The following GRM8 variants were observed in gnomAD, a reference collection of about 807,000 sequenced individuals.
The protein encoded by GRM8 is metabotropic glutamate receptor 8.
In GRM8, 47 loss-of-function variants were observed where a neutral mutation model predicts 87.2. The observed-to-expected ratio is 0.54, with a 90% CI of 0.43 to 0.69. The LOEUF is 0.69. Among genes scored for constraint, GRM8 ranks in the 30% least tolerant of loss-of-function variants. GRM8 has a pLI of 0.00. For missense variants in GRM8, 1,019 were observed against 1,139.2 expected, an observed-to-expected ratio of 0.89 and a Z score of 1.52; for synonymous variants, 396 against 404.5, an observed-to-expected ratio of 0.98 and a Z score of 0.25.
chr7:126,856,826 T>TG, intron 6 of GRM8, among the ~76,000 whole-genome samples: 1 of 152,226 alleles, frequency 6.6e-6, no homozygotes, highest in Non-Finnish European at 1.5e-5. Flanking sequence ...AAGTGACATA[T>TG]TATCCACTGG....
chr7:127,149,628 A>G (rs1828739605), intron 2 of GRM8, among the ~76,000 whole-genome samples: 1 of 152,140 alleles, frequency 6.6e-6, no homozygotes, highest in Non-Finnish European at 1.5e-5. Context: ...TCATTGCAGC[A>G]TTATTCCCAA....
intron 7 of GRM8, among the ~76,000 whole-genome samples, chr7:126,714,082 G>GCCAA (rs1490619829): frequency 1.3e-5 from 2 of 150,658 alleles, no homozygotes; most frequent in Non-Finnish European, 3.0e-5. Context: ...GTACAGCCTG[G>GCCAA]CCAACATTGT....
At chr7:126,480,203 G>A (rs1003960007) in intron 9 of GRM8, among the ~76,000 whole-genome samples, 1 of 151,976 alleles carries the variant, frequency 6.6e-6, no homozygotes, top group African/African-American at 2.4e-5. Flanking sequence ...TGGCCAACAT[G>A]GTGAAACTCT....
chr7:127,010,803 C>T (rs1194272437), intron 3 of GRM8, among the ~76,000 whole-genome samples: 2 of 152,044 alleles, frequency 1.3e-5, no homozygotes, highest in Non-Finnish European at 2.9e-5. Context: ...GGGACAAAAA[C>T]ATTTAGGTAT....
intron 6 of GRM8, among the ~76,000 whole-genome samples, chr7:126,888,434 C>T (rs942310041): frequency 6.6e-6 from 1 of 152,160 alleles, no homozygotes; most frequent in African/African-American, 2.4e-5. Flanking sequence ...TCCCTGTCCT[C>T]ATTTTACATC....
intron 8 of GRM8, among the ~76,000 whole-genome samples, chr7:126,574,555 A>G (rs1039539196): frequency 1.3e-5 from 2 of 152,184 alleles, no homozygotes; most frequent in African/African-American, 2.4e-5. Flanking sequence ...TCAGTGATGA[A>G]GCTACATCTT....
chr7:127,050,020 G>A (rs1474583045), intron 3 of GRM8, among the ~76,000 whole-genome samples: 1 of 152,208 alleles, frequency 6.6e-6, no homozygotes, highest in East Asian at 1.9e-4. Context: ...GAAAGATATG[G>A]ATTTAACTTT....
rs368987105 is a variant in GRM8 at position 127,243,994 on chromosome 7, A to C, written c.-311-479T>G. ...TGCCTCAAATTACCCAGTAGGAAAA[A>C]GTGATTATTCAATTACAAAGTGAAA... On this transcript the variant is annotated intron_variant, in intron 1 of 10. Transcript: ENST00000339582. 3.9e-5 allele frequency among the ~76,000 whole-genome samples: 6 copies of C among 152,178 alleles called. No homozygotes were observed. In the East Asian group the frequency reaches 1.2e-3, roughly 29 times the overall value.
intron 3 of GRM8, among the ~76,000 whole-genome samples, chr7:126,939,740 A>G (rs898513597): frequency 6.6e-6 from 1 of 152,148 alleles, no homozygotes; most frequent in Admixed American, 6.5e-5. Context: ...CCAAAATGCT[A>G]TTTTTGCAAG....
At chr7:127,013,516 G>GGGGGGA in intron 3 of GRM8, among the ~76,000 whole-genome samples, 1 of 145,720 alleles carries the variant, frequency 6.9e-6, no homozygotes, top group Middle Eastern at 3.7e-3. Flanking sequence ...TGGCTCTCTG[G>GGGGGGA]TGGGGATGGG....
chr7:126,827,696 C>G lies in GRM8; in HGVS notation c.1157-57631G>C, dbSNP rs1035990043. Among the ~76,000 whole-genome samples the G allele has an allele frequency of 1.3e-4, 20 of 152,030 alleles. 1 individual carries two copies. Among genetic ancestry groups the G allele is most frequent in the Admixed American group, 1.3e-4 (2 of 15,250 alleles). ...TTGACTTCTTTTCCTAATTGAATAC[C>G]CTTTATTTCCTTCTCATGCCTAATT... is the stretch of plus-strand genomic sequence containing the variant. On this transcript the variant is annotated intron_variant, in intron 6 of 10. Coordinates refer to ENST00000339582, the MANE Select transcript of GRM8 (RefSeq NM_000845.3).
chr7:126,880,044 G>C (rs12668916), intron 6 of GRM8, among the ~76,000 whole-genome samples: 18,075 of 152,158 alleles, frequency 0.12, 1,178 homozygotes, highest in East Asian at 0.22. Context: ...ACCCAGGCCT[G>C]CCTCATGCCA....
At chr7:127,067,592 A>T (rs1004751458) in intron 3 of GRM8, among the ~76,000 whole-genome samples, 3 of 152,244 alleles carry the variant, frequency 2.0e-5, no homozygotes, top group Admixed American at 2.0e-4. Flanking sequence ...CCTATAATAG[A>T]TAAAAGCAAT....
Position 126,530,416 on chromosome 7 carries a change from C to T in GRM8, c.2430+2536G>A, listed in dbSNP as rs140258161. On this transcript the variant is annotated intron_variant, in intron 9 of 10. Transcript: ENST00000339582. ...ATCTTCCCCCGCCCTTGAGCCTGAT[C>T]CTTTTCTGACTTTGAGCCTGGCACC... 2.3e-3 allele frequency among the ~76,000 whole-genome samples: 355 copies of T among 152,336 alleles called. 3 individuals are homozygous for T. Among genetic ancestry groups the T allele is most frequent in the African/African-American group, 8.2e-3 (342 of 41,580 alleles).
At chr7:126,488,679 A>G (rs1316710144) in intron 9 of GRM8, among the ~76,000 whole-genome samples, 1 of 151,896 alleles carries the variant, frequency 6.6e-6, no homozygotes, top group Admixed American at 6.6e-5. Flanking sequence ...ATACTATTGG[A>G]TATGTACTCA....
chr7:126,965,470 G>A (rs572175125), intron 3 of GRM8, among the ~76,000 whole-genome samples: 1 of 152,082 alleles, frequency 6.6e-6, no homozygotes, highest in South Asian at 2.1e-4. Context: ...TCTGATACAA[G>A]TCATGTATGT....
rs974919136 is a variant in GRM8, at chr7:126,894,847, T to G, written c.1156+7695A>C. On this transcript the variant is annotated intron_variant, in intron 6 of 10. Transcript: ENST00000339582. ...AGCTACAGGGCTTTAGACAACCAAC[T>G]TGACCAGATGAGCCTCAATTTCCCT... 5.9e-5 allele frequency among the ~76,000 whole-genome samples: 9 copies of G among 152,164 alleles called. No individual in the cohort carries two copies. The South Asian group carries it at 1.2e-3, about 21-fold the overall frequency.
chr7:126,602,258 T>C (rs1351570848), intron 8 of GRM8, among the ~76,000 whole-genome samples: 3 of 146,498 alleles, frequency 2.0e-5, no homozygotes, highest in Non-Finnish European at 4.5e-5. Context: ...TGCGGCATTA[T>C]TTCTGAGGGC....
At chr7:126,676,164 A>T (rs181592463) in intron 7 of GRM8, among the ~76,000 whole-genome samples, 30 of 152,326 alleles carry the variant, frequency 2.0e-4, no homozygotes, top group African/African-American at 6.0e-4. Flanking sequence ...GAACCTAGGA[A>T]TATACTTAAC....
Sources: allele counts gnomAD v4.1 joint callset (sites outside exome capture counted in the v4.1 genomes callset), GRCh38; gene constraint gnomAD v4.1.1; transcripts MANE v1.5; gene names NCBI Gene and HGNC (gene_info 2026-07-23, HGNC 2026-07-21).